Variants in PPM1G observed in about 807,000 individuals in gnomAD.
PPM1G encodes the protein protein phosphatase, Mg2+/Mn2+ dependent 1G.
PPM1G carries 12 observed loss-of-function variants against 59.4 expected under a neutral mutation model. The observed-to-expected ratio is 0.20, with a 90% CI of 0.13 to 0.33. The LOEUF is 0.33. Among genes scored for constraint, PPM1G ranks in the 10% least tolerant of loss-of-function variants. PPM1G has a pLI of 1.00. For synonymous variants in PPM1G, 245 were observed against 251.9 expected, an observed-to-expected ratio of 0.97 and a Z score of 0.26; for missense variants, 392 against 681.3, an observed-to-expected ratio of 0.58 and a Z score of 4.73.
At chr2:27,392,541 C>T (rs1283007506) in intron 1 of PPM1G, among the ~76,000 whole-genome samples, 4 of 149,982 alleles carry the variant, frequency 2.7e-5, no homozygotes, top group Non-Finnish European at 4.4e-5. Context: ...GTGATCCTCC[C>T]GCCTCAGCCT....
rs749102731 is a variant in PPM1G at position 27,386,278 on chromosome 2, C to T, written c.192G>A (p.Gly64=). 3.1e-6 allele frequency: 5 copies of T among 1,609,460 alleles called. No homozygotes were observed. Among genetic ancestry groups the T allele is most frequent in the Non-Finnish European group, 4.3e-6 (5 of 1,176,002 alleles). Reference sequence around the variant, plus strand: ...TGGCACAGTACAAGGCAACTTCCTCCCCTAGAAGGAAAGGAAGGAAGGTCA... The same window carrying T: ...TGGCACAGTACAAGGCAACTTCCTCTCCTAGAAGGAAAGGAAGGAAGGTCA... ...AMFSVYDGHG[G]EEVALYCAKY... is the part of the protein sequence containing the mutation. The change falls in exon 3 of 10, where the codon GGG becomes GGA. Residue 64 remains glycine (G), a splice_region_variant and synonymous_variant. Transcript: ENST00000344034.
rs774588427 is a variant in PPM1G at position 27,384,033 on chromosome 2, C to T, written c.885G>A (p.Glu295=). 1.9e-6 allele frequency: 3 copies of T among 1,608,850 alleles called. No homozygotes were observed. The highest frequency in any genetic ancestry group is 2.2e-5 in the South Asian group (2 of 90,130). The change falls in exon 6 of 10, where the codon GAG becomes GAA. Residue 295 remains glutamate, a synonymous_variant. Transcript: ENST00000344034. The surrounding 1 kb of genome is among the most constrained non-coding windows in gnomAD (Gnocchi z 4.8). ...CCTCTTCAGCCTCCTCGGTGTCATC[C>T]TCATCTTCCTCATTCTCTGCCTCCT... ...SSEEAENEED[E]DDTEEAEEDD...
At chr2:27,388,049 C>T (rs903505041) in intron 1 of PPM1G, among the ~76,000 whole-genome samples, 2 of 151,934 alleles carry the variant, frequency 1.3e-5, no homozygotes, top group African/African-American at 4.8e-5. Flanking sequence ...CCACCCGCCT[C>T]AGTCTCCCAA....
rs376031607 is a variant in PPM1G at position 27,383,056 on chromosome 2, G to A, written c.1201+310C>T. The stretch of plus-strand genomic sequence containing the variant: ...TCACCATGTTGGCCAGGCTGGCCTC[G>A]AACTCCTGACCTCAGGCGATCCACC... On this transcript the variant is annotated intron_variant, in intron 7 of 9. Transcript: ENST00000344034. The surrounding 1 kb of genome is among the most constrained non-coding windows in gnomAD (Gnocchi z 5.0). 2.0e-5 allele frequency among the ~76,000 whole-genome samples: 3 copies of A among 150,804 alleles called. No homozygotes were observed. The highest frequency in any genetic ancestry group is 4.9e-5 in the African/African-American group (2 of 41,050).
At chr2:27,398,507 T>C (rs1052452658) in intron 1 of PPM1G, among the ~76,000 whole-genome samples, 6 of 152,148 alleles carry the variant, frequency 3.9e-5, no homozygotes, top group African/African-American at 1.4e-4. Context: ...GTAAAAACTT[T>C]TGTTTCAAAA....
intron 1 of PPM1G, among the ~76,000 whole-genome samples, chr2:27,394,636 C>G (rs1377466267): frequency 6.7e-6 from 1 of 149,692 alleles, no homozygotes; most frequent in African/African-American, 2.5e-5. Context: ...GAGGCTAAGG[C>G]AGAAGAATCA....
intron 1 of PPM1G, chr2:27,393,103 G>T (rs1683956314): frequency 1.6e-6 from 2 of 1,289,524 alleles, no homozygotes; most frequent in East Asian, 2.3e-5. Flanking sequence ...GCACAGTCTG[G>T]TTTCTTGATA....
intron 1 of PPM1G, among the ~76,000 whole-genome samples, chr2:27,397,023 T>C (rs775100463): frequency 1.3e-5 from 2 of 151,888 alleles, no homozygotes; most frequent in African/African-American, 2.4e-5. Flanking sequence ...GCATGCACCA[T>C]CATGCCCAGC....
In PPM1G at chr2:27,381,338, C is replaced by A; in HGVS notation, c.*261G>T. 1 of 544,578 alleles carries A rather than the reference C, an allele frequency of 1.8e-6. No individual in the cohort carries two copies. Among genetic ancestry groups the A allele is most frequent in the Non-Finnish European group, 3.3e-6 (1 of 302,774 alleles). The allele number at this position is 544,578 out of a possible 1,614,324, so 33.7% of individuals were successfully genotyped here. A position where few individuals can be genotyped will look rare whatever the true frequency, so the allele number is the denominator to read the frequency against. On this transcript the variant is annotated 3_prime_UTR_variant, in exon 10 of 10. Coordinates refer to ENST00000344034, the MANE Select transcript of PPM1G (RefSeq NM_177983.3). ...GTTCACAGAGTAAAAACCAGAACCG[C>A]CAGTCCTTCCCTCCAACACAACAGA...
chr2:27,384,742 A>G lies in PPM1G; in HGVS notation c.756T>C (p.Ala252=). Residue 252 remains alanine, a synonymous_variant, in exon 5 of 10, where the codon GCT becomes GCC. Coordinates refer to ENST00000344034, the MANE Select transcript of PPM1G (RefSeq NM_177983.3). The surrounding 1 kb of genome is among the most constrained non-coding windows in gnomAD (Gnocchi z 4.8). ...CACTGTCCTCAAAGAACTTGGACTT[A>G]GCAACTCGAGGCAGCTTGTCAGAGG... ...SSASDKLPRV[A]KSKFFEDSED... is the part of the protein sequence containing the mutation. 1 of 1,614,200 alleles carries G rather than the reference A, an allele frequency of 6.2e-7. No homozygotes were observed. The highest frequency in any genetic ancestry group is 8.5e-7 in the Non-Finnish European group (1 of 1,180,030).
chr2:27,393,224 A>G (rs576800774), intron 1 of PPM1G: 1 of 1,564,126 alleles, frequency 6.4e-7, no homozygotes, highest in African/African-American at 1.3e-5. Context: ...AGTTCTTCAA[A>G]GCCACATCAT....
At chr2:27,404,301 A>G (rs1663281895) in intron 1 of PPM1G, among the ~76,000 whole-genome samples, 1 of 152,076 alleles carries the variant, frequency 6.6e-6, no homozygotes, top group African/African-American at 2.4e-5. Context: ...TAATCCCAGC[A>G]CTTTGGGAGG....
At chr2:27,398,549 T>TGTG (rs1370267555) in intron 1 of PPM1G, among the ~76,000 whole-genome samples, 1 of 152,070 alleles carries the variant, frequency 6.6e-6, no homozygotes, top group Non-Finnish European at 1.5e-5. Context: ...AGAGGCTGAG[T>TGTG]GTGGTGGCTC....
In PPM1G at chr2:27,385,615, C is replaced by T; in HGVS notation, c.409+132G>A. ...CATAACCACATACAATGCAGGAGAA[C>T]ATCATAGGTTTCTTTAACATAAGGA... On this transcript the variant is annotated intron_variant, in intron 4 of 9. Transcript: ENST00000344034. This position sits in a 1 kb window ranked among gnomAD's most constrained non-coding sequence, Gnocchi z 4.1. The T allele has an allele frequency of 8.7e-7, 1 of 1,152,286 alleles. No homozygotes were observed. The highest frequency in any genetic ancestry group is 1.2e-6 in the Non-Finnish European group (1 of 827,504). 71.4% of individuals were successfully genotyped at this position (1,152,286 alleles called of 1,614,324 possible). A position where few individuals can be genotyped will look rare whatever the true frequency, so the allele number is the denominator to read the frequency against.
At chr2:27,401,839 A>T (rs1224304052) in intron 1 of PPM1G, among the ~76,000 whole-genome samples, 1 of 152,108 alleles carries the variant, frequency 6.6e-6, no homozygotes, top group Non-Finnish European at 1.5e-5. Flanking sequence ...AAAAAGAAAA[A>T]AAGAAGAAAA....
intron 1 of PPM1G, chr2:27,393,322 C>T: frequency 6.3e-7 from 1 of 1,598,072 alleles, no homozygotes. Flanking sequence ...GCCTCTGAGT[C>T]TTGGTGGTAG....
rs760821288 is a variant in PPM1G at position 27,382,466 on chromosome 2, C to CT, written c.1331+9_1331+10insA. 6.2e-7 allele frequency: 1 copy of CT among 1,613,688 alleles called. No homozygotes were observed. ...GAAAGGGGAATTTAGGGCATTCTGC[C>CT]AGTGCTCACCAGATGCCATCACAGG... On this transcript the variant is annotated intron_variant, in intron 8 of 9. Coordinates refer to ENST00000344034, the MANE Select transcript of PPM1G (RefSeq NM_177983.3). The surrounding 1 kb of genome is among the most constrained non-coding windows in gnomAD (Gnocchi z 4.2).
At chr2:27,392,742 A>G in intron 1 of PPM1G, 1 of 1,162,890 alleles carries the variant, frequency 8.6e-7, no homozygotes, top group Non-Finnish European at 1.3e-6. Flanking sequence ...CCTTGGTGAC[A>G]AGGTAAGTCA....
At chr2:27,393,374 G>A (rs1377918455) in intron 1 of PPM1G, 11 of 1,548,478 alleles carry the variant, frequency 7.1e-6, no homozygotes, top group African/African-American at 2.7e-5. Context: ...TCATGCCGGC[G>A]ACTAAGGAGA....
Sources: allele counts gnomAD v4.1 joint callset (sites outside exome capture counted in the v4.1 genomes callset), GRCh38; gene constraint gnomAD v4.1.1; non-coding constraint Gnocchi (gnomAD v3.1); transcripts MANE v1.5; gene names NCBI Gene and HGNC (gene_info 2026-07-23, HGNC 2026-07-21).